PRORP: variants seen among roughly 807,000 people sequenced by gnomAD.
PRORP encodes the protein mitochondrial ribonuclease P catalytic subunit.
In PRORP, 51 loss-of-function variants were observed where a neutral mutation model predicts 59.4. The observed-to-expected ratio is 0.86, with a 90% CI of 0.69 to 1.08. The LOEUF is 1.08. Among genes scored for constraint, PRORP ranks in the 50% least tolerant of loss-of-function variants. The probability of loss-of-function intolerance (pLI) is 0.00; values close to 1 mark genes in which losing one functional copy is unlikely to be tolerated. For missense variants in PRORP, 646 were observed against 690.3 expected (o/e 0.94, Z 0.72); for synonymous variants, 231 against 245.6 (o/e 0.94, Z 0.55).
chr14:35,218,964 AG>A (rs1325982681), intron 5 of PRORP: 2 of 152,204 alleles, frequency 1.3e-5, no homozygotes, highest in African/African-American at 4.8e-5. Context: ...TTCAGTTCCA[AG>A]AGCGAATAAA....
chr14:35,129,555 T>C (rs1287252110), intron 4 of PRORP, among the ~76,000 whole-genome samples: 5 of 151,706 alleles, frequency 3.3e-5, no homozygotes, highest in African/African-American at 7.3e-5. Flanking sequence ...GCTCGCTGCA[T>C]CCTCCACCTC....
chr14:35,207,917 C>T (rs567889103), intron 5 of PRORP, among the ~76,000 whole-genome samples: 49 of 152,168 alleles, frequency 3.2e-4, no homozygotes, highest in African/African-American at 1.1e-3. Context: ...TTTGGGAGGC[C>T]GAGGCGGGTG....
rs145202286 is a variant in PRORP, at chr14:35,130,520, C to T, written c.1167+2909C>T. On this transcript the variant is annotated intron_variant, in intron 4 of 7. Coordinates refer to ENST00000534898, the MANE Select transcript of PRORP (RefSeq NM_014672.4). ...TCATTGAGATGGAGTCTCACTCTGT[C>T]GCCCAGGTTGGAATGGAGTGGCACG... Among the ~76,000 whole-genome samples the T allele has an allele frequency of 1.8e-3, 271 of 150,666 alleles. 3 individuals carry two copies. Among genetic ancestry groups the T allele is most frequent in the East Asian group, 0.017 (89 of 5,118 alleles).
In PRORP at chr14:35,196,629, A is replaced by G. The variant is rs1019186110; in HGVS notation, c.1275+15852A>G. Among the ~76,000 whole-genome samples, 9 of 152,214 alleles carry G rather than the reference A, an allele frequency of 5.9e-5. No homozygotes were observed. In the East Asian group the frequency reaches 1.5e-3, roughly 26 times the overall value. ...AACAAATTTGCATTAGTGGATGCCAATCCAGAATTCACTAAAGAACACAAA... is the reference window on the plus strand; with the variant it reads ...AACAAATTTGCATTAGTGGATGCCAGTCCAGAATTCACTAAAGAACACAAA... On this transcript the variant is annotated intron_variant, in intron 5 of 7. Coordinates refer to ENST00000534898, the MANE Select transcript of PRORP (RefSeq NM_014672.4).
intron 5 of PRORP, among the ~76,000 whole-genome samples, chr14:35,214,064 T>C (rs2049522653): frequency 6.6e-6 from 1 of 152,236 alleles, no homozygotes; most frequent in South Asian, 2.1e-4. Context: ...ATGGTGATGA[T>C]GATAAAAGCC....
chr14:35,173,307 G>A (rs1251420070), intron 4 of PRORP, among the ~76,000 whole-genome samples: 3 of 152,138 alleles, frequency 2.0e-5, no homozygotes, highest in African/African-American at 7.2e-5. Flanking sequence ...ATCTATGTTT[G>A]TCTAGAAATT....
intron 1 of PRORP, 25 bp from the exon 2 acceptor site, chr14:35,122,927 G>T: frequency 3.9e-6 from 1 of 258,650 alleles, no homozygotes; most frequent in Non-Finnish European, 7.5e-6. Flanking sequence ...AAAACTGGGC[G>T]TTCCGTCTTG....
chr14:35,247,141 A>G (rs1225368704), intron 5 of PRORP, among the ~76,000 whole-genome samples: 1 of 152,190 alleles, frequency 6.6e-6, no homozygotes, highest in Non-Finnish European at 1.5e-5. Flanking sequence ...CCTGATGCCA[A>G]AGCTTGTGCT....
intron 4 of PRORP, among the ~76,000 whole-genome samples, chr14:35,140,612 A>C (rs2047461488): frequency 6.9e-6 from 1 of 145,616 alleles, no homozygotes; most frequent in Non-Finnish European, 1.5e-5. Context: ...TATTTTACAA[A>C]TATTTTCTGT....
At position 35,123,611 on chromosome 14, in the gene PRORP, G is replaced by A; in HGVS notation, c.366G>A (p.Glu122=). 2 of 1,614,168 alleles carry A rather than the reference G, an allele frequency of 1.2e-6. No homozygotes were observed. Among genetic ancestry groups the A allele is most frequent in the Non-Finnish European group, 1.7e-6 (2 of 1,180,042 alleles). The change falls in exon 2 of 8, where the codon GAG becomes GAA. Residue 122 remains glutamate (E), a synonymous_variant. Transcript: ENST00000534898. Reference sequence around the variant, plus strand: ...TCCCAACACAACCTTTGAATTCAGAGGAGTGGGATAAACTTAAGGAAGATT... The same window carrying A: ...TCCCAACACAACCTTTGAATTCAGAAGAGTGGGATAAACTTAAGGAAGATT... ...IQLPTQPLNS[E]EWDKLKEDLK... is the part of the protein sequence containing the mutation.
intron 5 of PRORP, among the ~76,000 whole-genome samples, chr14:35,233,526 A>G (rs747716105): frequency 6.7e-6 from 1 of 150,368 alleles, no homozygotes; most frequent in South Asian, 2.1e-4. Flanking sequence ...TAAGAAAAGC[A>G]TGCAGTCCTC....
At position 35,273,639 on chromosome 14, in the gene PRORP, T is replaced by A; in HGVS notation, c.*73T>A. 1 of 1,424,546 alleles carries A rather than the reference T, an allele frequency of 7.0e-7. No homozygotes were observed. Among genetic ancestry groups the A allele is most frequent in the Non-Finnish European group, 9.5e-7 (1 of 1,049,928 alleles). 88.2% of individuals were successfully genotyped at this position (1,424,546 alleles called of 1,614,324 possible). A position where few individuals can be genotyped will look rare whatever the true frequency, so the allele number is the denominator to read the frequency against. On this transcript the variant is annotated 3_prime_UTR_variant, in exon 8 of 8. Coordinates refer to ENST00000534898, the MANE Select transcript of PRORP (RefSeq NM_014672.4). Reference sequence around the variant, plus strand: ...GGCATCAGAGGCTCTTGAGCTGGTGTTTGTTTAGGGCATTGCCTCTGTCCT... The same window carrying A: ...GGCATCAGAGGCTCTTGAGCTGGTGATTGTTTAGGGCATTGCCTCTGTCCT...
intron 5 of PRORP, among the ~76,000 whole-genome samples, chr14:35,200,799 A>G (rs1016157030): frequency 2.1e-4 from 32 of 152,220 alleles, no homozygotes; most frequent in African/African-American, 7.7e-4. Context: ...TCTATCACTA[A>G]GATATTAGTA....
chr14:35,231,343 T>C (rs1477750402), intron 5 of PRORP, among the ~76,000 whole-genome samples: 1 of 152,152 alleles, frequency 6.6e-6, no homozygotes, highest in Non-Finnish European at 1.5e-5. Flanking sequence ...AAATTACCAG[T>C]TTTTATTTTT....
intron 4 of PRORP, among the ~76,000 whole-genome samples, chr14:35,167,811 C>T (rs2048222398): frequency 6.6e-6 from 1 of 152,164 alleles, no homozygotes; most frequent in South Asian, 2.1e-4. Context: ...AGACCTTTCT[C>T]ACTTAATGTC....
intron 5 of PRORP, among the ~76,000 whole-genome samples, chr14:35,239,362 A>C (rs1166299185): frequency 6.6e-6 from 1 of 151,920 alleles, no homozygotes; most frequent in Non-Finnish European, 1.5e-5. Flanking sequence ...AAAAAAAAAA[A>C]AAAACAAACT....
Position 35,143,350 on chromosome 14 carries a change from C to T in PRORP, c.1167+15739C>T, listed in dbSNP as rs189379463. On this transcript the variant is annotated intron_variant, in intron 4 of 7. Coordinates refer to ENST00000534898, the MANE Select transcript of PRORP (RefSeq NM_014672.4). The stretch of plus-strand genomic sequence containing the variant: ...CTAATTTTTGTATTTTTAGTAGAGA[C>T]GGGGTTTCACCATGTTGGCCAGGAT... 2.7e-3 allele frequency among the ~76,000 whole-genome samples: 391 copies of T among 143,800 alleles called. 13 individuals are homozygous for T. The highest frequency in any genetic ancestry group is 8.5e-3 in the African/African-American group (347 of 40,760). 94.3% of individuals were successfully genotyped at this position (143,800 alleles called of 152,430 possible).
In PRORP at chr14:35,124,058, A is replaced by G. The variant is rs2047022830; in HGVS notation, c.813A>G (p.Leu271=). The G allele has an allele frequency of 1.9e-6, 3 of 1,613,876 alleles. No individual in the cohort carries two copies. The highest frequency in any genetic ancestry group is 2.5e-6 in the Non-Finnish European group (3 of 1,179,948). Residue 271 remains leucine, a synonymous_variant, in exon 2 of 8, where the codon CTA becomes CTG. Transcript: ENST00000534898. The part of the protein sequence containing the change: ...NTAWNLYQEL[L]GHDIVPMLET... ...CTTGGAATTTATATCAGGAATTGCT[A>G]GGTCATGATATTGTTCCTATGTTGG...
At position 35,124,059 on chromosome 14, in the gene PRORP, G is replaced by A; in HGVS notation, c.814G>A (p.Gly272Ser). ...TAWNLYQELL[G>S]HDIVPMLETL... ...TTGGAATTTATATCAGGAATTGCTAGGTCATGATATTGTTCCTATGTTGGA... is the reference window on the plus strand; with the variant it reads ...TTGGAATTTATATCAGGAATTGCTAAGTCATGATATTGTTCCTATGTTGGA... The change falls in exon 2 of 8, where the codon GGT (glycine) becomes AGT (serine). Residue 272 changes from glycine to serine, a missense_variant. By Grantham distance (56) the Gly-to-Ser change is moderately conservative. Coordinates refer to ENST00000534898, the MANE Select transcript of PRORP (RefSeq NM_014672.4). 1 of 1,613,704 alleles carries A rather than the reference G, an allele frequency of 6.2e-7. No homozygotes were observed. The highest frequency in any genetic ancestry group is 8.5e-7 in the Non-Finnish European group (1 of 1,179,806).
Sources: allele counts gnomAD v4.1 joint callset (sites outside exome capture counted in the v4.1 genomes callset), GRCh38; gene constraint gnomAD v4.1.1; transcripts MANE v1.5; gene names NCBI Gene and HGNC (gene_info 2026-07-23, HGNC 2026-07-21).